Variants in TEP1 observed in about 807,000 individuals in gnomAD.
TEP1 encodes the protein telomerase protein component 1.
A neutral mutation model predicts 306.3 loss-of-function variants in TEP1; 241 were observed. That is an observed-to-expected ratio of 0.79 (90% CI 0.71 to 0.88). The LOEUF (loss-of-function observed/expected upper bound fraction) is 0.88, where lower values mean the gene tolerates loss of function less well. TEP1 is among the 40% of genes least tolerant of loss of function. The pLI is 0.00. For synonymous variants in TEP1, 1,289 were observed against 1,305.5 expected, an observed-to-expected ratio of 0.99 and a Z score of 0.27; for missense variants, 3,051 against 3,276.1, an observed-to-expected ratio of 0.93 and a Z score of 1.68.
chr14:20,386,222 G>A (rs757853399), intron 19 of TEP1, 27 bp from the exon 20 acceptor site: 1 of 1,613,598 alleles, frequency 6.2e-7, no homozygotes, highest in Non-Finnish European at 8.5e-7. Context: ...AGGGACGTGT[G>A]GGAGTCACTG....
intron 50 of TEP1, 45 bp from the exon 51 acceptor site, chr14:20,371,359 A>G: frequency 6.2e-7 from 1 of 1,601,994 alleles, no homozygotes; most frequent in Non-Finnish European, 8.6e-7. Flanking sequence ...ATTTAAAGAG[A>G]GGTAAAGAGA....
intron 43 of TEP1, among the ~76,000 whole-genome samples, chr14:20,374,750 T>C (rs757246710): frequency 1.3e-5 from 2 of 152,144 alleles, no homozygotes; most frequent in African/African-American, 2.4e-5. Context: ...AGTATAATGA[T>C]AATGTACCTA....
At chr14:20,371,689 G>A (rs1884852433) in intron 49 of TEP1, 57 bp from the exon 50 acceptor site, 1 of 1,504,648 alleles carries the variant, frequency 6.6e-7, no homozygotes, top group Non-Finnish European at 8.8e-7. Context: ...ACCTTTCTCA[G>A]GCTCCTCAAT....
At chr14:20,379,188 A>C in intron 35 of TEP1, 83 bp from the exon 36 acceptor site, 1 of 1,541,274 alleles carries the variant, frequency 6.5e-7, no homozygotes, top group Non-Finnish European at 8.7e-7. Context: ...ACCCAAAAAG[A>C]AGGCCAAGGC....
At position 20,389,277 on chromosome 14, in the gene TEP1, T is replaced by C. The variant is rs181534108; in HGVS notation, c.2486A>G (p.Asn829Ser). The C allele has an allele frequency of 3.1e-6, 5 of 1,614,176 alleles. No individual in the cohort carries two copies. The highest frequency in any genetic ancestry group is 2.2e-5 in the East Asian group (1 of 44,880). Residue 829 changes from asparagine (N) to serine (S), a missense_variant, in exon 17 of 55, where the codon AAT (asparagine) becomes AGT (serine). Asn to Ser is a conservative substitution (Grantham distance 46). This residue lies in a region of TEP1 where 1,507 missense variants were observed against 1,550.5 expected (regional missense o/e 0.97). Coordinates refer to ENST00000262715, the MANE Select transcript of TEP1 (RefSeq NM_007110.5). ...VQYLSTDLNPNDVTLSGCTDA... is the reference protein window; with the variant it reads ...VQYLSTDLNPSDVTLSGCTDA... ...AGTACAGCCTGAGAGTGTCACATCA[T>C]TGGGATTCAAATCTGTTGACCTGGC... is the stretch of plus-strand genomic sequence containing the variant.
Position 20,367,043 on chromosome 14 carries a change from T to C in TEP1, c.*1394A>G, listed in dbSNP as rs559538770. ...CTAACCTGCTCAATAGATTCTTCCA[T>C]ATGATTGAATTTTAGAAATATAATA... is the stretch of plus-strand genomic sequence containing the variant. On this transcript the variant is annotated 3_prime_UTR_variant, in exon 55 of 55. Transcript: ENST00000262715. 5.9e-5 allele frequency: 9 copies of C among 152,318 alleles called. No individual in the cohort carries two copies. Among genetic ancestry groups the C allele is most frequent in the African/African-American group, 2.2e-4 (9 of 41,570 alleles). 9.4% of individuals were successfully genotyped at this position (152,318 alleles called of 1,614,324 possible). A position where few individuals can be genotyped will look rare whatever the true frequency, so the allele number is the denominator to read the frequency against.
In TEP1 at chr14:20,386,459, G is replaced by T; in HGVS notation, c.2849C>A (p.Thr950Asn). 1.2e-6 allele frequency: 2 copies of T among 1,605,128 alleles called. No homozygotes were observed. Among genetic ancestry groups the T allele is most frequent in the Non-Finnish European group, 1.7e-6 (2 of 1,174,904 alleles). Residue 950 changes from threonine to asparagine, a missense_variant, in exon 19 of 55, where the codon ACC becomes AAC. By Grantham distance (65) the Thr-to-Asn change is moderately conservative (BLOSUM62 0). Around this residue, in one of 3 missense-constraint regions of TEP1, gnomAD observed 1,507 missense variants for 1,550.5 expected, o/e 0.97. Transcript: ENST00000262715. ...DLRWGVTEEE[T>N]RRNRQLEVCL... Reference sequence around the variant, plus strand: ...GCAGCCCCCACACCTGTTCCTACGGGTCTCCTCCTCAGTGACGCCCCAGCG... The same window carrying T: ...GCAGCCCCCACACCTGTTCCTACGGTTCTCCTCCTCAGTGACGCCCCAGCG...
At position 20,384,718 on chromosome 14, in the gene TEP1, C is replaced by A. The variant is rs762213321; in HGVS notation, c.3108-5G>T. 1 of 1,608,202 alleles carries A rather than the reference C, an allele frequency of 6.2e-7. No individual in the cohort carries two copies. Among genetic ancestry groups the A allele is most frequent in the South Asian group, 1.1e-5 (1 of 91,026 alleles). ...TTCCAGGCATCTGGCACAGAGCTGACCACCAAAGACCCCAAAAGTTGGAAT... is the reference window on the plus strand; with the variant it reads ...TTCCAGGCATCTGGCACAGAGCTGAACACCAAAGACCCCAAAAGTTGGAAT... On this transcript the variant is annotated splice_polypyrimidine_tract_variant and splice_region_variant and intron_variant, in intron 21 of 54. Transcript: ENST00000262715.
Position 20,381,806 on chromosome 14 carries a change from G to A in TEP1, c.4424+107C>T, listed in dbSNP as rs1876566831. ...GGAAACTGGAGCAGCTGGAGCAGTA[G>A]CTCATTCATGGTCTGGGAGCCAGTT... On this transcript the variant is annotated intron_variant, in intron 30 of 54. Coordinates refer to ENST00000262715, the MANE Select transcript of TEP1 (RefSeq NM_007110.5). This position sits in a 1 kb window ranked among gnomAD's most constrained non-coding sequence, Gnocchi z 4.0. 2.6e-6 allele frequency: 4 copies of A among 1,541,088 alleles called. No homozygotes were observed. Among genetic ancestry groups the A allele is most frequent in the South Asian group, 1.3e-5 (1 of 79,110 alleles).
intron 17 of TEP1, 105 bp from the exon 18 acceptor site, chr14:20,388,168 C>T (rs76575764): frequency 0.051 from 64,104 of 1,263,192 alleles, 1,818 homozygotes; most frequent in South Asian, 0.086. Flanking sequence ...GTTTGGTGAC[C>T]AGTTAAGTCA....
chr14:20,394,549 A>T (rs1414088539), intron 12 of TEP1, among the ~76,000 whole-genome samples: 1 of 138,844 alleles, frequency 7.2e-6, no homozygotes, highest in Admixed American at 8.3e-5. Flanking sequence ...GCGCGATCTC[A>T]GCTCACAGCA....
chr14:20,409,864 T>C (rs1171216190), intron 1 of TEP1, among the ~76,000 whole-genome samples: 1 of 150,964 alleles, frequency 6.6e-6, no homozygotes, highest in Admixed American at 6.6e-5. Context: ...ACTAAAAAAA[T>C]ACAAAAAATT....
intron 15 of TEP1, 116 bp downstream of exon 15, chr14:20,390,565 G>T: frequency 2.1e-6 from 2 of 962,890 alleles, no homozygotes; most frequent in South Asian, 1.4e-5. Context: ...CAGTAGAGCT[G>T]ATCTGACTAT....
At chr14:20,400,832 G>T in intron 9 of TEP1, 152 bp downstream of exon 9, 1 of 919,608 alleles carries the variant, frequency 1.1e-6, no homozygotes, top group Non-Finnish European at 1.6e-6. Context: ...GTTTACTTTG[G>T]TGTAGTCAAT....
intron 20 of TEP1, 41 bp downstream of exon 20, chr14:20,386,034 T>C (rs1877112560): frequency 1.6e-5 from 25 of 1,549,578 alleles, no homozygotes; most frequent in Non-Finnish European, 2.1e-5. Context: ...GCCCCAATCT[T>C]TGCTTCCTCC....
intron 6 of TEP1, 31 bp from the exon 7 acceptor site, chr14:20,403,479 A>T: frequency 2.5e-6 from 4 of 1,613,506 alleles, no homozygotes; most frequent in Non-Finnish European, 3.4e-6. Flanking sequence ...ATTTCAAAAA[A>T]AGGGAACTGG....
chr14:20,395,991 G>A, intron 10 of TEP1, 42 bp from the exon 11 acceptor site: 1 of 1,511,518 alleles, frequency 6.6e-7, no homozygotes, highest in African/African-American at 1.4e-5. Context: ...ACAGGAGCCG[G>A]GAGTATGGGG....
At position 20,401,133 on chromosome 14, in the gene TEP1, G is replaced by A. The variant is rs1384097291; in HGVS notation, c.1400C>T (p.Ser467Phe). Reference protein sequence around the residue: ...VQALLGYRYPSNLQLFSRSRL... With the variant: ...VQALLGYRYPFNLQLFSRSRL... ...ACTTCGAGAAAAGAGCTGTAGGTTG[G>A]AGGGGTATCTGAGGATAGGTAAGAA... The change falls in exon 9 of 55, where the codon TCC becomes TTC. Residue 467 changes from serine to phenylalanine, a missense_variant. By Grantham distance (155) the Ser-to-Phe change is radical (BLOSUM62 -2). This residue lies in a region of TEP1 where 1,507 missense variants were observed against 1,550.5 expected (regional missense o/e 0.97). Coordinates refer to ENST00000262715, the MANE Select transcript of TEP1 (RefSeq NM_007110.5). The A allele has an allele frequency of 6.2e-7, 1 of 1,614,140 alleles. No individual in the cohort carries two copies. The highest frequency in any genetic ancestry group is 8.5e-7 in the Non-Finnish European group (1 of 1,180,024).
rs192565492 is a variant in TEP1 at position 20,393,095 on chromosome 14, C to T, written c.1929-1328G>A. ...AGCCGGGCGTGGTGGTGGGTGCCTGCAGTCCCAGCTACTCGGGAGGCTGAA... is the reference window on the plus strand; with the variant it reads ...AGCCGGGCGTGGTGGTGGGTGCCTGTAGTCCCAGCTACTCGGGAGGCTGAA... On this transcript the variant is annotated intron_variant, in intron 12 of 54. Coordinates refer to ENST00000262715, the MANE Select transcript of TEP1 (RefSeq NM_007110.5). Among the ~76,000 whole-genome samples, 550 of 151,920 alleles carry T rather than the reference C, an allele frequency of 3.6e-3. 1 individual carries two copies. The highest frequency in any genetic ancestry group is 0.012 in the African/African-American group (513 of 41,456).
Sources: gnomAD v4.1 joint callset for allele counts (sites outside exome capture counted in the v4.1 genomes callset) on GRCh38, gnomAD v4.1.1 for gene constraint, gnomAD v4.1.1 regional missense constraint, Gnocchi (gnomAD v3.1) non-coding constraint, MANE v1.5 for transcripts, NCBI Gene and HGNC (gene_info 2026-07-23, HGNC 2026-07-21) for gene names.